ZNF738: variants seen among roughly 807,000 people sequenced by gnomAD.
The protein encoded by ZNF738 is protein ZNF738.
Under a neutral mutation model 9.2 loss-of-function variants are expected in ZNF738, and 10 were observed. The ratio of observed to expected loss-of-function variants is 1.09; its 90% CI spans 0.67 to 1.85. The LOEUF is 1.85. Ranked by LOEUF, ZNF738 falls within the 40% of genes most tolerant of loss-of-function variation. ZNF738 has a pLI of 0.00. For missense variants in ZNF738, 346 were observed against 283.6 expected (o/e 1.22, Z -1.58); for synonymous variants, 113 against 94.5 (o/e 1.20, Z -1.14).
rs1198020187 is a variant in ZNF738, at chr19:21,378,277, AT to A, written c.319+2318del. The A allele has an allele frequency of 6.3e-5, 19 of 301,688 alleles. No homozygotes were observed. The South Asian group carries it at 8.1e-4, about 13-fold the overall frequency. The allele number at this position is 301,688 out of a possible 1,614,324, so 18.7% of individuals were successfully genotyped here. On this transcript the variant is annotated intron_variant, in intron 4 of 4. Coordinates refer to ENST00000683779, the MANE Select transcript of ZNF738 (RefSeq NM_001355237.2). The stretch of plus-strand genomic sequence containing the variant: ...CCATTATGATAATGCTAAGAAATGT[AT>A]TTTTGTGTATGTGCGTATCTTTCCC...
Position 21,386,537 on chromosome 19 carries a change from C to G in ZNF738, c.*2863C>G, listed in dbSNP as rs538429352. 4.7e-4 allele frequency: 171 copies of G among 364,916 alleles called. 1 individual carries two copies. Among genetic ancestry groups the G allele is most frequent in the African/African-American group, 3.4e-3 (160 of 46,780 alleles). The allele number at this position is 364,916 out of a possible 1,614,324, so 22.6% of individuals were successfully genotyped here. ...GAATGTGGCAAAGCTTTTAACCAGT[C>G]CTACAAACCTTTTTGAACAAAATAA... On this transcript the variant is annotated 3_prime_UTR_variant, in exon 5 of 5. Coordinates refer to ENST00000683779, the MANE Select transcript of ZNF738 (RefSeq NM_001355237.2).
In ZNF738 at chr19:21,378,091, CTT is replaced by C. The variant is rs1973956590; in HGVS notation, c.319+2130_319+2131del. ...GTATTTCAGTCTAGTTAAAAATGAA[CTT>C]TTGTTGCATGCAAAAATTTTTTCTC... On this transcript the variant is annotated intron_variant, in intron 4 of 4. Coordinates refer to ENST00000683779, the MANE Select transcript of ZNF738 (RefSeq NM_001355237.2). 4 of 397,214 alleles carry C rather than the reference CTT, an allele frequency of 1.0e-5. No individual in the cohort carries two copies. The East Asian group carries it at 1.4e-4, about 14-fold the overall frequency. The allele number at this position is 397,214 out of a possible 1,614,324, so 24.6% of individuals were successfully genotyped here. A position where few individuals can be genotyped will look rare whatever the true frequency, so the allele number is the denominator to read the frequency against.
In ZNF738 at chr19:21,383,432, G is replaced by T; in HGVS notation, c.886G>T (p.Asp296Tyr). The T allele has an allele frequency of 1.8e-6, 1 of 561,458 alleles. No individual in the cohort carries two copies. Among genetic ancestry groups the T allele is most frequent in the Non-Finnish European group, 3.1e-6 (1 of 319,090 alleles). The allele number at this position is 561,458 out of a possible 1,614,324, so 34.8% of individuals were successfully genotyped here. A position where few individuals can be genotyped will look rare whatever the true frequency, so the allele number is the denominator to read the frequency against. The change falls in exon 5 of 5, where the codon GAT becomes TAT. Residue 296 changes from aspartate to tyrosine, a missense_variant. Asp to Tyr is a radical substitution (Grantham distance 160). Coordinates refer to ENST00000683779, the MANE Select transcript of ZNF738 (RefSeq NM_001355237.2). The part of the protein sequence containing the change: ...KHYKCEKCGK[D>Y]FKQSSHLTKH... Reference sequence around the variant, plus strand: ...CTACAAATGTGAAAAATGTGGCAAAGATTTTAAACAGTCCTCACACCTTAC... The same window carrying T: ...CTACAAATGTGAAAAATGTGGCAAATATTTTAAACAGTCCTCACACCTTAC...
chr19:21,381,916 T>C, intron 4 of ZNF738: 1 of 244,666 alleles, frequency 4.1e-6, no homozygotes. Flanking sequence ...CTAAGGAAGC[T>C]GACATCTTCA....
intron 2 of ZNF738, among the ~76,000 whole-genome samples, chr19:21,362,755 T>A (rs1022346858): frequency 1.3e-5 from 2 of 152,212 alleles, no homozygotes; most frequent in Non-Finnish European, 2.9e-5. Flanking sequence ...CCTTTTTCTT[T>A]CCCAGAGTGA....
intron 2 of ZNF738, among the ~76,000 whole-genome samples, chr19:21,363,546 C>A (rs1442585679): frequency 4.6e-5 from 7 of 152,244 alleles, no homozygotes; most frequent in Admixed American, 4.6e-4. Context: ...TGTTTTAAGG[C>A]AGTTTCTAGA....
chr19:21,373,783 T>C (rs1243882601), intron 2 of ZNF738, among the ~76,000 whole-genome samples: 1 of 148,822 alleles, frequency 6.7e-6, no homozygotes, highest in Non-Finnish European at 1.5e-5. Flanking sequence ...ATGGCTTTTT[T>C]TTTTTTTTTC....
In ZNF738 at chr19:21,382,865, GT is replaced by G. The variant is rs1435559839; in HGVS notation, c.321del (p.Thr108HisfsTer15). ...KRHSMVATPP[V>X]TYSHFAQDLW... ...TAACTTGATATTTTTATTTCTTTCA[GT>G]TACATATTCTCATTTTGCCCAGGAC... On this transcript the variant is annotated frameshift_variant and splice_region_variant, in exon 5 of 5. Transcript: ENST00000683779. LOFTEE classifies it low-confidence loss of function (END_TRUNC). The G allele has an allele frequency of 4.5e-6, 2 of 439,746 alleles. No homozygotes were observed. Among genetic ancestry groups the G allele is most frequent in the Non-Finnish European group, 8.8e-6 (2 of 227,890 alleles). The allele number at this position is 439,746 out of a possible 1,614,324, so 27.2% of individuals were successfully genotyped here.
chr19:21,361,360 G>A lies in ZNF738; in HGVS notation c.4-406G>A, dbSNP rs1342072412. ...TCTCTATGTTGGTCAGGCTGGTCTC[G>A]AACTCCCGACCTCAGGTGATCCGCC... On this transcript the variant is annotated intron_variant, in intron 1 of 4. Coordinates refer to ENST00000683779, the MANE Select transcript of ZNF738 (RefSeq NM_001355237.2). 2.6e-5 allele frequency among the ~76,000 whole-genome samples: 4 copies of A among 151,424 alleles called. No homozygotes were observed. In the East Asian group the frequency reaches 5.8e-4, roughly 22 times the overall value.
intron 4 of ZNF738, among the ~76,000 whole-genome samples, chr19:21,376,669 C>T (rs1225390077): frequency 2.6e-5 from 4 of 152,010 alleles, no homozygotes; most frequent in Admixed American, 6.6e-5. Context: ...GTCAGCCTCC[C>T]GAGTAGCTGA....
At chr19:21,382,096 T>C (rs1159432968) in intron 4 of ZNF738, among the ~76,000 whole-genome samples, 1 of 147,266 alleles carries the variant, frequency 6.8e-6, no homozygotes, top group Non-Finnish European at 1.5e-5. Flanking sequence ...GATGTAGTCT[T>C]GCTCTGTTGC....
intron 2 of ZNF738, among the ~76,000 whole-genome samples, chr19:21,374,943 G>C (rs1484622568): frequency 6.6e-6 from 1 of 152,068 alleles, no homozygotes; most frequent in Non-Finnish European, 1.5e-5. Context: ...CATTCTTTGT[G>C]ATGCAAATAT....
rs1236676228 is a variant in ZNF738, at chr19:21,365,968, A to AAAG, written c.96+4110_96+4111insAAG. ...GGAGACTCCATCTCAAAAAAAAAAA[A>AAAG]GAATAGGAAACATCCAGAAAGTTTA... On this transcript the variant is annotated intron_variant, in intron 2 of 4. Transcript: ENST00000683779. Among the ~76,000 whole-genome samples, 4 of 151,548 alleles carry AAAG rather than the reference A, an allele frequency of 2.6e-5. No individual in the cohort carries two copies. The East Asian group carries it at 7.8e-4, about 29-fold the overall frequency.
intron 2 of ZNF738, among the ~76,000 whole-genome samples, chr19:21,365,828 G>T (rs538946836): frequency 1.5e-4 from 23 of 151,998 alleles, no homozygotes; most frequent in African/African-American, 5.1e-4. Flanking sequence ...ATGGTAGGGC[G>T]CGCCTATAAT....
chr19:21,377,423 A>G (rs980025250), intron 4 of ZNF738: 2 of 707,642 alleles, frequency 2.8e-6, no homozygotes, highest in African/African-American at 1.8e-5. Flanking sequence ...CTATAATTAT[A>G]TTGCTGTCTA....
At chr19:21,375,496 G>A in intron 3 of ZNF738, 132 bp downstream of exon 3, 3 of 526,636 alleles carry the variant, frequency 5.7e-6, no homozygotes, top group Admixed American at 3.5e-5. Context: ...AAAATTGCGA[G>A]GAATTATCCA....
chr19:21,368,747 C>T (rs544161966), intron 2 of ZNF738, among the ~76,000 whole-genome samples: 3 of 151,746 alleles, frequency 2.0e-5, no homozygotes, highest in South Asian at 4.2e-4. Context: ...GAAGCCAAAG[C>T]GCCCAGCCAG....
intron 2 of ZNF738, among the ~76,000 whole-genome samples, chr19:21,374,984 T>A (rs906248083): frequency 6.6e-6 from 1 of 152,212 alleles, no homozygotes; most frequent in Non-Finnish European, 1.5e-5. Flanking sequence ...TTTGTGTTCA[T>A]GCCTTTCGTT....
At chr19:21,374,977 GTGTTCATGCCTTTCGTTTTTATACTTTAT>G (rs1156738966) in intron 2 of ZNF738, among the ~76,000 whole-genome samples, 6 of 152,074 alleles carry the variant, frequency 3.9e-5, no homozygotes, top group African/African-American at 1.4e-4. Flanking sequence ...ATACATGTTT[GTGTTCATGCCTTTCGTTTTTATACTTTAT>G]TGTTCATAAA....
Sources: allele counts gnomAD v4.1 joint callset (sites outside exome capture counted in the v4.1 genomes callset), GRCh38; gene constraint gnomAD v4.1.1; transcripts MANE v1.5; gene names NCBI Gene and HGNC (gene_info 2026-07-23, HGNC 2026-07-21).